Variants in PLEKHD1 observed in about 807,000 individuals in gnomAD.
PLEKHD1 encodes the protein pleckstrin homology domain-containing family D member 1.
In PLEKHD1, 51 loss-of-function variants were observed where a neutral mutation model predicts 69.2. That is an observed-to-expected ratio of 0.74 (90% CI 0.59 to 0.93). PLEKHD1 has a LOEUF of 0.93. Ranked by LOEUF, PLEKHD1 falls within the 40% of genes least tolerant of loss-of-function variation. The probability of loss-of-function intolerance (pLI) is 0.00; values close to 1 mark genes in which losing one functional copy is unlikely to be tolerated. For missense variants in PLEKHD1, 584 were observed against 641.0 expected (o/e 0.91, Z 0.96); for synonymous variants, 236 against 244.7 (o/e 0.96, Z 0.33).
Position 69,500,873 on chromosome 14 carries a change from G to T in PLEKHD1, c.336G>T (p.Gly112=). 1 of 1,551,658 alleles carries T rather than the reference G, an allele frequency of 6.4e-7. No homozygotes were observed. Among genetic ancestry groups the T allele is most frequent in the South Asian group, 1.2e-5 (1 of 84,064 alleles). ...CGCATGGCTCCTCTTCCTGGCAGGG[G>T]AACATCTTGCTTGCTGCTGAGTCGG... ...AMKISHQDFH[G]NILLAAESEF... is the part of the protein sequence containing the mutation. The change falls in exon 4 of 13, where the codon GGG becomes GGT. Residue 112 remains glycine (G), a splice_region_variant and synonymous_variant. Transcript: ENST00000322564.
intron 1 of PLEKHD1, among the ~76,000 whole-genome samples, chr14:69,490,162 A>T (rs932591102): frequency 7.2e-5 from 11 of 151,922 alleles, no homozygotes; most frequent in Admixed American, 7.2e-4. Context: ...GCCCCCTGTT[A>T]TATGTTTTAC....
chr14:69,501,583 G>C (rs1883025108), intron 4 of PLEKHD1, 151 bp from the exon 5 acceptor site: 1 of 594,580 alleles, frequency 1.7e-6, no homozygotes, highest in Non-Finnish European at 2.9e-6. Context: ...CAGAGCCATG[G>C]GTGCCAGAGT....
At chr14:69,477,233 T>C in the PLEKHD1 span, among the ~76,000 whole-genome samples, 1 of 152,066 alleles carries the variant, frequency 6.6e-6, no homozygotes. Context: ...GGCTGGCCCT[T>C]TTTAAATCAT....
At chr14:69,468,240 A>G in the PLEKHD1 span, among the ~76,000 whole-genome samples, 1 of 152,224 alleles carries the variant, frequency 6.6e-6, no homozygotes, top group East Asian at 1.9e-4. Context: ...TAAATTATGG[A>G]AAAGCAATAC....
intron 6 of PLEKHD1, among the ~76,000 whole-genome samples, chr14:69,507,981 C>T (rs1883188756): frequency 6.6e-6 from 1 of 152,174 alleles, no homozygotes; most frequent in South Asian, 2.1e-4. Flanking sequence ...ACAGGCATAG[C>T]CACTGTATCT....
rs934313546 is a variant in PLEKHD1 at position 69,522,429 on chromosome 14, G to C, written c.650+52G>C. The C allele has an allele frequency of 2.0e-6, 3 of 1,531,768 alleles. No individual in the cohort carries two copies. The South Asian group carries it at 3.6e-5, about 18-fold the overall frequency. The allele number at this position is 1,531,768 out of a possible 1,614,324, so 94.9% of individuals were successfully genotyped here. On this transcript the variant is annotated intron_variant, in intron 7 of 12. Coordinates refer to ENST00000322564, the MANE Select transcript of PLEKHD1 (RefSeq NM_001161498.2). ...GTGCCACTAAGTTAGGGCATGCAGA[G>C]CCCACCTTCCCCGTCAGATCTGAGG...
intron 9 of PLEKHD1, 85 bp downstream of exon 9, chr14:69,526,207 C>G: frequency 7.3e-7 from 1 of 1,375,802 alleles, no homozygotes; most frequent in Non-Finnish European, 9.7e-7. Context: ...CTCTTGGGTT[C>G]TACTTGGCAC....
rs1465539595 is a variant in PLEKHD1 at position 69,531,161 on chromosome 14, A to G, written c.*2742A>G. The G allele has an allele frequency of 1.3e-5, 2 of 152,150 alleles. No homozygotes were observed. The highest frequency in any genetic ancestry group is 1.3e-4 in the Admixed American group (2 of 15,266). The allele number at this position is 152,150 out of a possible 1,614,324, so 9.4% of individuals were successfully genotyped here. ...AGGTCCCACCTCTTAATATTGTTAC[A>G]ATGGCAATCAAATTTCTTTTTTTAA... is the stretch of plus-strand genomic sequence containing the variant. On this transcript the variant is annotated 3_prime_UTR_variant, in exon 13 of 13. Coordinates refer to ENST00000322564, the MANE Select transcript of PLEKHD1 (RefSeq NM_001161498.2).
chr14:69,486,844 G>A (rs1403405646), intron 1 of PLEKHD1, among the ~76,000 whole-genome samples: 1 of 152,154 alleles, frequency 6.6e-6, no homozygotes, highest in Non-Finnish European at 1.5e-5. Context: ...GGAGTACAGG[G>A]CATAGGCCCC....
chr14:69,468,140 G>C, the PLEKHD1 span, among the ~76,000 whole-genome samples: 9,292 of 152,282 alleles, frequency 0.061, 313 homozygotes, highest in Middle Eastern at 0.088. Context: ...AGGACTTGTG[G>C]AGTTAGTTAA....
upstream of PLEKHD1, among the ~76,000 whole-genome samples, chr14:69,481,568 C>T (rs1445478056): frequency 6.6e-6 from 1 of 152,194 alleles, no homozygotes; most frequent in Non-Finnish European, 1.5e-5. Context: ...TCAGGCCAAA[C>T]TTCAGCTTGT....
rs746568913 is a variant in PLEKHD1 at position 69,527,235 on chromosome 14, A to C, written c.1104A>C (p.Ala368=). The change falls in exon 11 of 13, where the codon GCA becomes GCC. Residue 368 remains alanine, a synonymous_variant. Coordinates refer to ENST00000322564, the MANE Select transcript of PLEKHD1 (RefSeq NM_001161498.2). Reference sequence around the variant, plus strand: ...ACCTGGAGAGGCGTCTCCGGGAGGCAGAAGGGGCCTTGCGAAGCCTGGAAC... The same window carrying C: ...ACCTGGAGAGGCGTCTCCGGGAGGCCGAAGGGGCCTTGCGAAGCCTGGAAC... ...RMDLERRLRE[A]EGALRSLEQG... is the part of the protein sequence containing the mutation. 2.1e-5 allele frequency: 32 copies of C among 1,551,644 alleles called. No homozygotes were observed.
intron 1 of PLEKHD1, among the ~76,000 whole-genome samples, chr14:69,489,415 C>A (rs2139492985): frequency 6.6e-6 from 1 of 151,892 alleles, no homozygotes; most frequent in East Asian, 1.9e-4. Flanking sequence ...AAAGATTAGC[C>A]AGGCATGGTG....
chr14:69,499,530 A>G (rs1461780504), intron 1 of PLEKHD1, among the ~76,000 whole-genome samples: 3 of 152,218 alleles, frequency 2.0e-5, no homozygotes, highest in East Asian at 1.9e-4. Context: ...GCAGTCAAAA[A>G]GCACCAAAGT....
chr14:69,500,633 C>G lies in PLEKHD1; in HGVS notation c.300C>G (p.Pro100=), dbSNP rs902949384. 1.3e-6 allele frequency: 2 copies of G among 1,551,374 alleles called. No individual in the cohort carries two copies. Among genetic ancestry groups the G allele is most frequent in the African/African-American group, 2.7e-5 (2 of 73,060 alleles). The stretch of plus-strand genomic sequence containing the variant: ...AGCCCAAGGAAGAGCCTAGCATGCC[C>G]TATGCCATGAAGATCTCCCACCAGG... ...LVEPKEEPSM[P]YAMKISHQDF... is the part of the protein sequence containing the mutation. Residue 100 remains proline (P), a synonymous_variant, in exon 3 of 13, where the codon CCC becomes CCG. Transcript: ENST00000322564.
At chr14:69,524,459 G>A (rs1883594320) in intron 8 of PLEKHD1, 137 bp downstream of exon 8, 1 of 731,048 alleles carries the variant, frequency 1.4e-6, no homozygotes, top group Admixed American at 2.4e-5. Context: ...TGATCTAAAG[G>A]GTCTCTTCTC....
chr14:69,524,217 C>T lies in PLEKHD1; in HGVS notation c.651-12C>T, dbSNP rs1463473300. On this transcript the variant is annotated splice_polypyrimidine_tract_variant and intron_variant, in intron 7 of 12. Coordinates refer to ENST00000322564, the MANE Select transcript of PLEKHD1 (RefSeq NM_001161498.2). The stretch of plus-strand genomic sequence containing the variant: ...AGTGGGCACTGCCATACCCAGCCCT[C>T]TGTCTCCACAGGGAGCTGGAACTGA... The T allele has an allele frequency of 3.9e-6, 6 of 1,548,202 alleles. No individual in the cohort carries two copies. The South Asian group carries it at 6.0e-5, about 15-fold the overall frequency.
At chr14:69,503,897 G>A (rs1454669007) in intron 6 of PLEKHD1, among the ~76,000 whole-genome samples, 1 of 149,356 alleles carries the variant, frequency 6.7e-6, no homozygotes, top group Non-Finnish European at 1.5e-5. Context: ...AAATCTCAGC[G>A]AAGCACTGGG....
intron 6 of PLEKHD1, among the ~76,000 whole-genome samples, chr14:69,509,278 C>T (rs1883218992): frequency 6.6e-6 from 1 of 152,112 alleles, no homozygotes; most frequent in South Asian, 2.1e-4. Flanking sequence ...TTAGATGTGT[C>T]TGGGAATGTT....
Sources: allele counts gnomAD v4.1 joint callset (sites outside exome capture counted in the v4.1 genomes callset), GRCh38; gene constraint gnomAD v4.1.1; transcripts MANE v1.5; gene names NCBI Gene and HGNC (gene_info 2026-07-23, HGNC 2026-07-21).